The following DBT variants were observed in gnomAD, a reference collection of about 807,000 sequenced individuals.
DBT encodes the protein dihydrolipoamide branched chain transacylase E2.
DBT carries 40 observed loss-of-function variants against 51.3 expected under a neutral mutation model. The ratio of observed to expected loss-of-function variants is 0.78; its 90% CI spans 0.61 to 1.02. DBT has a LOEUF of 1.02. Among genes scored for constraint, DBT ranks in the 50% least tolerant of loss-of-function variants. The pLI, the probability that DBT is intolerant of heterozygous loss-of-function variation, is 0.00. For synonymous variants in DBT, 181 were observed against 190.4 expected (o/e 0.95, Z 0.41); for missense variants, 510 against 580.2 (o/e 0.88, Z 1.24).
intron 2 of DBT, among the ~76,000 whole-genome samples, chr1:100,238,418 CTTCTTTCTT>C (rs1557960088): frequency 9.1e-5 from 1 of 10,968 alleles, no homozygotes; most frequent in Non-Finnish European, 3.8e-4. Flanking sequence ...TCCTTCTCTT[CTTCTTTCTT>C]TTATTTCCCC....
At position 100,190,027 on chromosome 1, in the gene DBT, T is replaced by TTA. The variant is rs1557936125; in HGVS notation, c.*6227_*6228insTA. ...ATTTTGATTAATTAAAATTAAAATT[T>TTA]AAATTTAAATAGCTACATGTGGCTA... On this transcript the variant is annotated 3_prime_UTR_variant, in exon 11 of 11. Transcript: ENST00000370132. 59 of 152,234 alleles carry TTA rather than the reference T, an allele frequency of 3.9e-4. No individual in the cohort carries two copies. In the South Asian group the frequency reaches 0.011, roughly 28 times the overall value. The allele number at this position is 152,234 out of a possible 1,614,324, so 9.4% of individuals were successfully genotyped here.
intron 3 of DBT, among the ~76,000 whole-genome samples, chr1:100,231,767 A>T (rs1482394260): frequency 2.6e-5 from 4 of 152,184 alleles, no homozygotes; most frequent in African/African-American, 7.2e-5. Context: ...TTAAAAATCA[A>T]TTTTTTCAGA....
chr1:100,217,500 A>C (rs1478567443), intron 5 of DBT, among the ~76,000 whole-genome samples: 1 of 152,260 alleles, frequency 6.6e-6, no homozygotes, highest in East Asian at 1.9e-4. Context: ...TACAAGGAAG[A>C]ATGATTCCTA....
chr1:100,193,326 A>G lies in DBT; in HGVS notation c.*2929T>C, dbSNP rs904081965. The G allele has an allele frequency of 6.6e-6, 1 of 152,232 alleles. No individual in the cohort carries two copies. Among genetic ancestry groups the G allele is most frequent in the Admixed American group, 6.5e-5 (1 of 15,288 alleles). The allele number at this position is 152,232 out of a possible 1,614,324, so 9.4% of individuals were successfully genotyped here. A position where few individuals can be genotyped will look rare whatever the true frequency, so the allele number is the denominator to read the frequency against. ...TTCATTTAAAACTCAATAAATGCCT[A>G]TCAATAGATAATTGGTTAAATTATG... is the stretch of plus-strand genomic sequence containing the variant. On this transcript the variant is annotated 3_prime_UTR_variant, in exon 11 of 11. Coordinates refer to ENST00000370132, the MANE Select transcript of DBT (RefSeq NM_001918.5).
Position 100,216,040 on chromosome 1 carries a change from T to C in DBT, c.715A>G (p.Ile239Val), listed in dbSNP as rs72973763. 9,596 of 1,613,626 alleles carry C rather than the reference T, an allele frequency of 5.9e-3. 535 individuals are homozygous for C. In the African/African-American group the frequency reaches 0.11, roughly 19 times the overall value. ...PPKPKDMTVP[I>V]LVSKPPVFTG... ...AATACCGGAGGTTTTGATACTAGTA[T>C]AGGAACAGTCATGTCTTTTGGCTTT... Residue 239 changes from isoleucine (I) to valine (V), a missense_variant, in exon 6 of 11, where the codon ATA becomes GTA. Coordinates refer to ENST00000370132, the MANE Select transcript of DBT (RefSeq NM_001918.5).
Position 100,230,711 on chromosome 1 carries a change from T to C in DBT, c.433+22A>G, listed in dbSNP as rs768475558. The C allele has an allele frequency of 1.6e-5, 25 of 1,539,324 alleles. No individual in the cohort carries two copies. In the Admixed American group the frequency reaches 4.3e-4, roughly 27 times the overall value. On this transcript the variant is annotated intron_variant, in intron 4 of 10. Coordinates refer to ENST00000370132, the MANE Select transcript of DBT (RefSeq NM_001918.5). ...GAGACCAATAATCAATTTGGTAAAA[T>C]AGATTAACAGACTTACAATACCTTT...
chr1:100,225,443 C>A (rs1345962468), intron 4 of DBT, among the ~76,000 whole-genome samples: 1 of 151,660 alleles, frequency 6.6e-6, no homozygotes, highest in Non-Finnish European at 1.5e-5. Context: ...AAACACAGGC[C>A]CCCCACAAAA....
rs904081965 is a variant in DBT, at chr1:100,193,326, A to C, written c.*2929T>G. 5.9e-5 allele frequency: 9 copies of C among 152,232 alleles called. No individual in the cohort carries two copies. The highest frequency in any genetic ancestry group is 2.2e-4 in the African/African-American group (9 of 41,464). 9.4% of individuals were successfully genotyped at this position (152,232 alleles called of 1,614,324 possible). On this transcript the variant is annotated 3_prime_UTR_variant, in exon 11 of 11. Coordinates refer to ENST00000370132, the MANE Select transcript of DBT (RefSeq NM_001918.5). ...TTCATTTAAAACTCAATAAATGCCT[A>C]TCAATAGATAATTGGTTAAATTATG...
At chr1:100,245,750 C>T (rs1664493158) in intron 1 of DBT, among the ~76,000 whole-genome samples, 1 of 151,248 alleles carries the variant, frequency 6.6e-6, no homozygotes, top group South Asian at 2.1e-4. Context: ...CCCAGGAGTT[C>T]AAGACCATAC....
chr1:100,249,809 G>GGGT lies in DBT; in HGVS notation c.11_12insACC (p.Val4_Arg5insPro), dbSNP rs769909654. Reference sequence around the variant, plus strand: ...TCCTGCTCCAGGTTCTCAGCATACGGACTGCAGCCATCTTACCCCGGAAAT... The same window carrying GGGT: ...TCCTGCTCCAGGTTCTCAGCATACGGGGTACTGCAGCCATCTTACCCCGGAAAT... On this transcript the variant is annotated inframe_insertion, in exon 1 of 11. Transcript: ENST00000370132. The GGGT allele has an allele frequency of 1.2e-6, 2 of 1,614,136 alleles. No individual in the cohort carries two copies. Among genetic ancestry groups the GGGT allele is most frequent in the South Asian group, 1.1e-5 (1 of 91,084 alleles).
intron 1 of DBT, among the ~76,000 whole-genome samples, chr1:100,247,665 C>T (rs1436360599): frequency 6.8e-6 from 1 of 146,676 alleles, no homozygotes; most frequent in African/African-American, 2.6e-5. Flanking sequence ...CACCACTGCA[C>T]TCCAGCCTGG....
intron 4 of DBT, 88 bp from the exon 5 acceptor site, chr1:100,218,835 A>G (rs1317143614): frequency 3.0e-6 from 3 of 985,014 alleles, no homozygotes; most frequent in East Asian, 2.6e-5. Flanking sequence ...GATGTGGCCT[A>G]TAATATCTAA....
intron 1 of DBT, among the ~76,000 whole-genome samples, chr1:100,243,844 T>G (rs2100850687): frequency 6.8e-6 from 1 of 146,056 alleles, no homozygotes; most frequent in South Asian, 2.2e-4. Context: ...TGTGAGAAAA[T>G]AAACACACAT....
Position 100,187,889 on chromosome 1 carries a change from A to C in DBT, c.*8366T>G, listed in dbSNP as rs1390522763. 1 of 152,230 alleles carries C rather than the reference A, an allele frequency of 6.6e-6. No homozygotes were observed. The highest frequency in any genetic ancestry group is 1.5e-5 in the Non-Finnish European group (1 of 68,046). 9.4% of individuals were successfully genotyped at this position (152,230 alleles called of 1,614,324 possible). ...TGTATTTAGAAAGTATGACAATCTG[A>C]AAATCAACATTTTACAGAAGTGACA... On this transcript the variant is annotated 3_prime_UTR_variant, in exon 11 of 11. Coordinates refer to ENST00000370132, the MANE Select transcript of DBT (RefSeq NM_001918.5).
chr1:100,222,404 C>A (rs1662902084), intron 4 of DBT, among the ~76,000 whole-genome samples: 1 of 152,018 alleles, frequency 6.6e-6, no homozygotes. Flanking sequence ...AAAGTAAGTC[C>A]CATTACTCTA....
chr1:100,204,488 T>C lies in DBT; in HGVS notation c.1281+1742A>G, dbSNP rs142780727. ...CAAATGGAAAAACATTCCATGCTCA[T>C]GGATAGGAAGAATCAATATTGTGAA... On this transcript the variant is annotated intron_variant, in intron 10 of 10. Coordinates refer to ENST00000370132, the MANE Select transcript of DBT (RefSeq NM_001918.5). Among the ~76,000 whole-genome samples, 1,424 of 152,300 alleles carry C rather than the reference T, an allele frequency of 9.3e-3. 24 individuals are homozygous for C. The highest frequency in any genetic ancestry group is 0.033 in the African/African-American group (1,372 of 41,554).
rs186340473 is a variant in DBT at position 100,209,935 on chromosome 1, C to T, written c.1017+759G>A. 3.9e-5 allele frequency among the ~76,000 whole-genome samples: 6 copies of T among 152,272 alleles called. No individual in the cohort carries two copies. The East Asian group carries it at 5.8e-4, about 15-fold the overall frequency. On this transcript the variant is annotated intron_variant, in intron 8 of 10. Transcript: ENST00000370132. ...AAAAAGAGTTTTCGGTCTTAAGAAA[C>T]TTTCACTACTCACAGAAGAGTTTAC...
intron 4 of DBT, among the ~76,000 whole-genome samples, chr1:100,220,671 C>G (rs1338275006): frequency 2.0e-5 from 3 of 152,096 alleles, no homozygotes; most frequent in Non-Finnish European, 4.4e-5. Flanking sequence ...TATTATTATC[C>G]CCATTTTATA....
In DBT at chr1:100,195,882, C is replaced by G; in HGVS notation, c.*373G>C. Reference sequence around the variant, plus strand: ...GTTTCACCATGTTGGCCAGGCTGGTCTCAAACTTCTAACCTCAGGTGATCC... The same window carrying G: ...GTTTCACCATGTTGGCCAGGCTGGTGTCAAACTTCTAACCTCAGGTGATCC... On this transcript the variant is annotated 3_prime_UTR_variant, in exon 11 of 11. Coordinates refer to ENST00000370132, the MANE Select transcript of DBT (RefSeq NM_001918.5). 2 of 253,816 alleles carry G rather than the reference C, an allele frequency of 7.9e-6. No homozygotes were observed. Among genetic ancestry groups the G allele is most frequent in the South Asian group, 9.4e-5 (2 of 21,386 alleles). The allele number at this position is 253,816 out of a possible 1,614,324, so 15.7% of individuals were successfully genotyped here. A position where few individuals can be genotyped will look rare whatever the true frequency, so the allele number is the denominator to read the frequency against.
Sources: allele counts gnomAD v4.1 joint callset (sites outside exome capture counted in the v4.1 genomes callset), GRCh38; gene constraint gnomAD v4.1.1; transcripts MANE v1.5; gene names NCBI Gene and HGNC (gene_info 2026-07-23, HGNC 2026-07-21).